The following JAK1 variants were observed in gnomAD, a reference collection of about 807,000 sequenced individuals.
The protein encoded by JAK1 is tyrosine-protein kinase JAK1.
In JAK1, 16 loss-of-function variants were observed where a neutral mutation model predicts 136.6. The observed-to-expected ratio is 0.12, with a 90% CI of 0.08 to 0.18. The LOEUF is 0.18. JAK1 is among the 10% of genes least tolerant of loss of function. The pLI is 1.00. For synonymous variants in JAK1, 492 were observed against 519.5 expected (o/e 0.95, Z 0.72); for missense variants, 859 against 1,450.1 (o/e 0.59, Z 6.62).
chr1:65,027,835 A>G (rs1197505961), intron 2 of JAK1, among the ~76,000 whole-genome samples: 2 of 152,118 alleles, frequency 1.3e-5, no homozygotes, highest in African/African-American at 4.8e-5. Context: ...GCTGCCTGGG[A>G]GAAAGTGCTG....
chr1:64,861,868 T>G (rs559856906), intron 8 of JAK1, among the ~76,000 whole-genome samples: 1 of 152,276 alleles, frequency 6.6e-6, no homozygotes, highest in South Asian at 2.1e-4. Context: ...CACCTGCGGA[T>G]ATCCCTGAAG....
At chr1:64,893,472 C>G (rs1644969660) in intron 1 of JAK1, among the ~76,000 whole-genome samples, 1 of 152,224 alleles carries the variant, frequency 6.6e-6, no homozygotes, top group Admixed American at 6.5e-5. Flanking sequence ...TCACCCTAAC[C>G]TGGGTCCAGA....
intron 2 of JAK1, among the ~76,000 whole-genome samples, chr1:65,028,481 A>AAGAG (rs1646996440): frequency 8.2e-6 from 1 of 122,088 alleles, no homozygotes; most frequent in Admixed American, 9.2e-5. Context: ...GAAAGGAAGG[A>AAGAG]AGGGAGGGAG....
At chr1:65,039,188 A>T (rs1433976065) in intron 2 of JAK1, among the ~76,000 whole-genome samples, 1 of 152,158 alleles carries the variant, frequency 6.6e-6, no homozygotes, top group Non-Finnish European at 1.5e-5. Context: ...ATGAAAATGC[A>T]AGGGGGCCAG....
intron 2 of JAK1, among the ~76,000 whole-genome samples, chr1:65,010,835 G>A (rs1031661413): frequency 9.9e-5 from 15 of 152,226 alleles, no homozygotes; most frequent in African/African-American, 2.2e-4. Context: ...CTAGCCAGCC[G>A]TGGTGGCATG....
upstream of JAK1, among the ~76,000 whole-genome samples, chr1:64,967,748 T>C (rs1338450974): frequency 6.6e-6 from 1 of 152,198 alleles, no homozygotes; most frequent in African/African-American, 2.4e-5. Context: ...CAATTCTTAG[T>C]TGACTCAATT....
chr1:65,003,165 G>C (rs1298004027), intron 2 of JAK1, among the ~76,000 whole-genome samples: 1 of 152,014 alleles, frequency 6.6e-6, no homozygotes, highest in African/African-American at 2.4e-5. Context: ...AAGTTTCCCA[G>C]GTTTCCTCAG....
intron 3 of JAK1, among the ~76,000 whole-genome samples, chr1:64,882,156 C>T (rs138605077): frequency 6.9e-4 from 105 of 152,340 alleles, no homozygotes; most frequent in Non-Finnish European, 1.0e-3. Flanking sequence ...GAGCCTACTA[C>T]GCTCTTCCCC....
chr1:64,839,832 C>A (rs1407415346), intron 19 of JAK1, 37 bp from the exon 20 acceptor site: 2 of 1,539,954 alleles, frequency 1.3e-6, no homozygotes, highest in African/African-American at 1.4e-5. Context: ...ATCAGGGAAG[C>A]CCCATCGTAG....
chr1:65,025,740 T>G (rs1440694514), intron 2 of JAK1, among the ~76,000 whole-genome samples: 4 of 152,160 alleles, frequency 2.6e-5, no homozygotes, highest in Non-Finnish European at 5.9e-5. Flanking sequence ...TGCACTGGCA[T>G]GATCACAGCT....
At chr1:65,052,118 A>AT (rs71056073) in intron 1 of JAK1, among the ~76,000 whole-genome samples, 1,413 of 93,554 alleles carry the variant, frequency 0.015, 23 homozygotes, top group East Asian at 0.034. Context: ...ACGCCTGGCT[A>AT]TTTTTTTTTT....
chr1:64,873,605 C>A, intron 4 of JAK1, 82 bp from the exon 5 acceptor site: 1 of 1,543,288 alleles, frequency 6.5e-7, no homozygotes, highest in South Asian at 1.1e-5. Flanking sequence ...CAACAGTGGT[C>A]AGTGCCGGAG....
At chr1:64,934,944 C>A (rs1337003843) in intron 1 of JAK1, among the ~76,000 whole-genome samples, 1 of 152,128 alleles carries the variant, frequency 6.6e-6, no homozygotes, top group Non-Finnish European at 1.5e-5. Context: ...TTCCTAAGGC[C>A]ACAGCAGTTT....
At chr1:64,957,835 T>C (rs1461392348) in intron 1 of JAK1, among the ~76,000 whole-genome samples, 1 of 152,172 alleles carries the variant, frequency 6.6e-6, no homozygotes, top group Non-Finnish European at 1.5e-5. Context: ...TCCCAGCCAC[T>C]TGGGAGGCTG....
At chr1:64,944,039 AG>A (rs1195551938) in intron 1 of JAK1, among the ~76,000 whole-genome samples, 2 of 151,860 alleles carry the variant, frequency 1.3e-5, no homozygotes, top group African/African-American at 4.8e-5. Context: ...TGGCTAACAC[AG>A]TGAAATCCCG....
chr1:64,934,314 T>A (rs1261951373), intron 1 of JAK1, among the ~76,000 whole-genome samples: 2 of 152,212 alleles, frequency 1.3e-5, no homozygotes, highest in African/African-American at 2.4e-5. Flanking sequence ...CTGCTTTTTA[T>A]TTTTAAGGCT....
rs370029628 is a variant in JAK1, at chr1:64,857,832, G to A, written c.1335-53C>T. The A allele has an allele frequency of 3.1e-6, 5 of 1,604,336 alleles. No individual in the cohort carries two copies. The African/African-American group carries it at 6.7e-5, about 21-fold the overall frequency. ...AAGAGCTCACACCAAACAGGACTTT[G>A]AACCTCTGGGCTATCCACTCTCCTG... On this transcript the variant is annotated intron_variant, in intron 9 of 24. Transcript: ENST00000342505.
At chr1:64,962,620 C>G (rs1388380370) in intron 1 of JAK1, among the ~76,000 whole-genome samples, 3 of 152,188 alleles carry the variant, frequency 2.0e-5, no homozygotes, top group Non-Finnish European at 2.9e-5. Flanking sequence ...CCAGTCATTT[C>G]AACATGACAG....
At chr1:65,008,740 T>C (rs1646824098) in intron 2 of JAK1, among the ~76,000 whole-genome samples, 1 of 151,920 alleles carries the variant, frequency 6.6e-6, no homozygotes, top group South Asian at 2.1e-4. Context: ...CTGGCTGGAG[T>C]GCAGTGGCAT....
Sources: gnomAD v4.1 joint callset for allele counts (sites outside exome capture counted in the v4.1 genomes callset) on GRCh38, gnomAD v4.1.1 for gene constraint, MANE v1.5 for transcripts, NCBI Gene and HGNC (gene_info 2026-07-23, HGNC 2026-07-21) for gene names.